NOX3: variants seen among roughly 807,000 people sequenced by gnomAD.
NOX3 encodes the protein NADPH oxidase 3, also known as NADPH oxidase catalytic subunit-like 3.
A neutral mutation model predicts 76.7 loss-of-function variants in NOX3; 74 were observed. That is an observed-to-expected ratio of 0.96 (90% CI 0.80 to 1.17). The LOEUF (loss-of-function observed/expected upper bound fraction) is 1.17. NOX3 is among the 50% of genes most tolerant of loss of function. NOX3 has a pLI of 0.00. For missense variants in NOX3, 695 were observed against 703.3 expected, an observed-to-expected ratio of 0.99 and a Z score of 0.13; for synonymous variants, 263 against 261.1, an observed-to-expected ratio of 1.01 and a Z score of -0.07.
chr6:155,419,484 T>C lies in NOX3; in HGVS notation c.1308+3210A>G, dbSNP rs559378994. On this transcript the variant is annotated intron_variant, in intron 10 of 13. Transcript: ENST00000159060. ...AGCTAGGAGATTAGGACCTTTAAGT[T>C]ATTTTATGATTCCACACTTTAGCTT... Among the ~76,000 whole-genome samples, 4 of 152,336 alleles carry C rather than the reference T, an allele frequency of 2.6e-5. No individual in the cohort carries two copies. In the South Asian group the frequency reaches 8.3e-4, roughly 32 times the overall value.
At position 155,416,744 on chromosome 6, in the gene NOX3, C is replaced by CTTTTTTTTTTTTTTTTTTTTTT. The variant is rs534711414; in HGVS notation, c.1309-5406_1309-5385dup. Among the ~76,000 whole-genome samples, 6 of 92,534 alleles carry CTTTTTTTTTTTTTTTTTTTTTT rather than the reference C, an allele frequency of 6.5e-5. 1 individual carries two copies. Among genetic ancestry groups the CTTTTTTTTTTTTTTTTTTTTTT allele is most frequent in the African/African-American group, 2.5e-4 (6 of 24,098 alleles). 60.7% of individuals were successfully genotyped at this position (92,534 alleles called of 152,430 possible). On this transcript the variant is annotated intron_variant, in intron 10 of 13. Coordinates refer to ENST00000159060, the MANE Select transcript of NOX3 (RefSeq NM_015718.3). ...GGACAACTGAAACATCTGAAACATT[C>CTTTTTTTTTTTTTTTTTTTTTT]TTTTTTTTTTTTTTTTTTTTTTTTG...
In NOX3 at chr6:155,422,796, A is replaced by T. The variant is rs762560600; in HGVS notation, c.1206T>A (p.Cys402Ter). ...ALTDVFHYPVCVCVAAGIGVT... is the reference protein window; with the variant it reads ...ALTDVFHYPV ...CTCCGATCCCCGCGGCAACGCACAC[A>T]CACACTGGGTAGTGAAATACATCTG... Residue 402 changes from cysteine (C) to a stop codon, truncating the protein, a stop_gained, in exon 10 of 14, where the codon TGT (cysteine) becomes TGA (stop). Coordinates refer to ENST00000159060, the MANE Select transcript of NOX3 (RefSeq NM_015718.3). LOFTEE classifies it high-confidence loss of function. 1.1e-5 allele frequency: 17 copies of T among 1,614,204 alleles called. No homozygotes were observed. The South Asian group carries it at 1.9e-4, about 18-fold the overall frequency.
chr6:155,446,118 T>C (rs1777062727), intron 4 of NOX3, among the ~76,000 whole-genome samples: 1 of 151,612 alleles, frequency 6.6e-6, no homozygotes, highest in African/African-American at 2.4e-5. Flanking sequence ...TCGTGATGTT[T>C]ACTGCTTCCT....
At position 155,411,364 on chromosome 6, in the gene NOX3, T is replaced by A. The variant is rs542379960; in HGVS notation, c.1309-4A>T. The A allele has an allele frequency of 1.2e-6, 2 of 1,611,664 alleles. No individual in the cohort carries two copies. The highest frequency in any genetic ancestry group is 1.7e-5 in the Admixed American group (1 of 59,666). ...GGCAAATCCAGTAGAAATACACCTG[T>A]CAAGAGAGAAGGCAAGTGAACGGAT... On this transcript the variant is annotated splice_region_variant and splice_polypyrimidine_tract_variant and intron_variant, in intron 10 of 13. Transcript: ENST00000159060.
At position 155,443,427 on chromosome 6, in the gene NOX3, A is replaced by G. The variant is rs1777021072; in HGVS notation, c.341-9T>C. The G allele has an allele frequency of 6.2e-7, 1 of 1,613,256 alleles. No homozygotes were observed. Among genetic ancestry groups the G allele is most frequent in the Non-Finnish European group, 8.5e-7 (1 of 1,179,590 alleles). ...CGCCACGATGTGGATGGCTAGGACA[A>G]GGAGATGACACCAAACATGCACCCT... On this transcript the variant is annotated splice_polypyrimidine_tract_variant and intron_variant, in intron 4 of 13. Coordinates refer to ENST00000159060, the MANE Select transcript of NOX3 (RefSeq NM_015718.3).
At chr6:155,410,829 G>A (rs1281467995) in intron 11 of NOX3, among the ~76,000 whole-genome samples, 2 of 152,060 alleles carry the variant, frequency 1.3e-5, no homozygotes, top group Non-Finnish European at 2.9e-5. Flanking sequence ...TTTTTGCTTA[G>A]CTCTGAACAG....
rs1193216773 is a variant in NOX3, at chr6:155,411,244, A to G, written c.1425T>C (p.His475=). ...EQGKTHFLSY[H]IFLTGWDENQ... ...TTTCATCCCAGCCGGTAAGAAATAT[A>G]TGATAACTCAGAAAGTGAGTTTTCC... Residue 475 remains histidine (H), a synonymous_variant, in exon 11 of 14, where the codon CAT becomes CAC. Transcript: ENST00000159060. 6.2e-6 allele frequency: 10 copies of G among 1,613,968 alleles called. No individual in the cohort carries two copies. Among genetic ancestry groups the G allele is most frequent in the East Asian group, 2.2e-5 (1 of 44,880 alleles).
intron 5 of NOX3, among the ~76,000 whole-genome samples, chr6:155,442,932 G>A (rs1777012563): frequency 6.6e-6 from 1 of 152,130 alleles, no homozygotes; most frequent in Non-Finnish European, 1.5e-5. Flanking sequence ...CCTTCTTTAT[G>A]AGTCTAACAT....
rs761318878 is a variant in NOX3 at position 155,430,864 on chromosome 6, T to C, written c.870A>G (p.Gln290=). ...CERIIRFWRF[Q]QEVVITKVVS... is the part of the protein sequence containing the mutation. ...ATACCTTGGTAATGACAACTTCTTG[T>C]TGAAATCGCCAGAACCTAATTATTC... Residue 290 remains glutamine, a synonymous_variant, in exon 8 of 14, where the codon CAA becomes CAG. Transcript: ENST00000159060. The C allele has an allele frequency of 1.2e-5, 20 of 1,612,576 alleles. No homozygotes were observed. The African/African-American group carries it at 2.5e-4, about 20-fold the overall frequency.
At chr6:155,401,773 T>G (rs1779230282) in intron 12 of NOX3, among the ~76,000 whole-genome samples, 1 of 135,090 alleles carries the variant, frequency 7.4e-6, no homozygotes, top group African/African-American at 2.8e-5. Context: ...TTAAAAGAAA[T>G]ACGTCTACTG....
intron 12 of NOX3, among the ~76,000 whole-genome samples, chr6:155,401,535 T>C (rs1349979632): frequency 6.6e-6 from 1 of 152,180 alleles, no homozygotes; most frequent in Non-Finnish European, 1.5e-5. Flanking sequence ...CAAATGAGAA[T>C]TGAAGGGTGC....
intron 12 of NOX3, among the ~76,000 whole-genome samples, chr6:155,404,606 C>A (rs1329375610): frequency 6.6e-6 from 1 of 152,184 alleles, no homozygotes; most frequent in Non-Finnish European, 1.5e-5. Flanking sequence ...CGCCCTCCCT[C>A]CCCAACCCTA....
intron 7 of NOX3, among the ~76,000 whole-genome samples, chr6:155,434,704 T>C (rs1314216751): frequency 6.6e-6 from 1 of 152,208 alleles, no homozygotes; most frequent in Non-Finnish European, 1.5e-5. Flanking sequence ...GTTTGGGGCA[T>C]CACACACTTC....
chr6:155,453,475 G>T lies in NOX3; in HGVS notation c.269C>A (p.Pro90Gln). 1 of 1,613,146 alleles carries T rather than the reference G, an allele frequency of 6.2e-7. No homozygotes were observed. Among genetic ancestry groups the T allele is most frequent in the Non-Finnish European group, 8.5e-7 (1 of 1,179,188 alleles). ...IRGTSICCRG[P>Q]WRRQLDKNLR... The stretch of plus-strand genomic sequence containing the variant: ...GTTTTTGTCTAATTGCCTCCTCCAC[G>T]GTCCTCTGCAGCACTAGAGTAACAA... The change falls in exon 4 of 14, where the codon CCG (proline) becomes CAG (glutamine). Residue 90 changes from proline (P) to glutamine (Q), a missense_variant. Physicochemically the swap from Pro to Gln is moderately conservative, Grantham distance 76 (BLOSUM62 -1). Transcript: ENST00000159060.
intron 10 of NOX3, among the ~76,000 whole-genome samples, chr6:155,418,000 T>A (rs1031200381): frequency 6.6e-6 from 1 of 152,246 alleles, no homozygotes; most frequent in African/African-American, 2.4e-5. Flanking sequence ...AGTTCTTGTA[T>A]AATCTGTTGT....
At position 155,435,438 on chromosome 6, in the gene NOX3, A is replaced by G. The variant is rs539972030; in HGVS notation, c.798+980T>C. ...TTAAAAGAACCACAGTCTAATGGGC[A>G]TATCTATTCCGGTTCTCTCGGTTTT... On this transcript the variant is annotated intron_variant, in intron 7 of 13. Transcript: ENST00000159060. Among the ~76,000 whole-genome samples, 131 of 152,264 alleles carry G rather than the reference A, an allele frequency of 8.6e-4. 1 individual carries two copies. Among genetic ancestry groups the G allele is most frequent in the Non-Finnish European group, 2.9e-4 (20 of 68,022 alleles).
At position 155,407,184 on chromosome 6, in the gene NOX3, T is replaced by C. The variant is rs1253706398; in HGVS notation, c.1526A>G (p.Tyr509Cys). Residue 509 changes from tyrosine to cysteine, a missense_variant, in exon 12 of 14, where the codon TAT (tyrosine) becomes TGT (cysteine). Transcript: ENST00000159060. Reference sequence around the variant, plus strand: ...CTCATTGTTCCAGTTGGGCCTCCCATAGAAGGTCTTCTGCTTTAAGCCTGT... The same window carrying C: ...CTCATTGTTCCAGTTGGGCCTCCCACAGAAGGTCTTCTGCTTTAAGCCTGT... ...VITGLKQKTF[Y>C]GRPNWNNEFK... 1.2e-6 allele frequency: 2 copies of C among 1,614,138 alleles called. No homozygotes were observed. Among genetic ancestry groups the C allele is most frequent in the South Asian group, 1.1e-5 (1 of 91,084 alleles).
chr6:155,450,303 T>C (rs1166901520), intron 4 of NOX3, among the ~76,000 whole-genome samples: 1 of 152,022 alleles, frequency 6.6e-6, no homozygotes, highest in Non-Finnish European at 1.5e-5. Context: ...AGAATGTGAA[T>C]GTATTATCTT....
chr6:155,448,452 G>T (rs2114708829), intron 4 of NOX3, among the ~76,000 whole-genome samples: 1 of 152,194 alleles, frequency 6.6e-6, no homozygotes, highest in South Asian at 2.1e-4. Flanking sequence ...AGGACCGCAA[G>T]ACACACATTT....
Sources: allele counts gnomAD v4.1 joint callset (sites outside exome capture counted in the v4.1 genomes callset), GRCh38; gene constraint gnomAD v4.1.1; transcripts MANE v1.5; gene names NCBI Gene and HGNC (gene_info 2026-07-23, HGNC 2026-07-21).